Variants in LRP1B observed in about 807,000 individuals in gnomAD.
The protein encoded by LRP1B is LDL receptor related protein 1B.
In LRP1B, 217 loss-of-function variants were observed where a neutral mutation model predicts 556.6. That is an observed-to-expected ratio of 0.39 (90% confidence interval 0.35 to 0.44). LRP1B has a LOEUF of 0.44. Ranked by LOEUF, LRP1B falls within the 20% of genes least tolerant of loss-of-function variation. LRP1B has a pLI of 1.00. For synonymous variants in LRP1B, 2,047 were observed against 1,865.8 expected (o/e 1.10, Z -2.50); for missense variants, 5,053 against 5,620.8 (o/e 0.90, Z 3.23).
chr2:140,815,172 G>T (rs6749707), intron 31 of LRP1B, among the ~76,000 whole-genome samples: 6 of 151,640 alleles, frequency 4.0e-5, no homozygotes, highest in Non-Finnish European at 7.4e-5. Flanking sequence ...AAAGAAGGAA[G>T]GGCAGATGAT....
chr2:141,630,409 A>G (rs1437352501), intron 2 of LRP1B, among the ~76,000 whole-genome samples: 1 of 152,216 alleles, frequency 6.6e-6, no homozygotes, highest in East Asian at 1.9e-4. Flanking sequence ...AACTGGCTTT[A>G]ACTGTCACGT....
chr2:141,159,609 T>C (rs1249412678), intron 7 of LRP1B, among the ~76,000 whole-genome samples: 1 of 152,098 alleles, frequency 6.6e-6, no homozygotes. Flanking sequence ...CGAAAGACAA[T>C]TGGAAAAATT....
At chr2:140,321,427 G>T (rs1474903046) in intron 82 of LRP1B, among the ~76,000 whole-genome samples, 1 of 113,030 alleles carries the variant, frequency 8.8e-6, no homozygotes, top group African/African-American at 2.6e-5. Context: ...TAATTATTAT[G>T]ATAATTATCA....
chr2:141,308,368 T>G (rs776038102), intron 3 of LRP1B, among the ~76,000 whole-genome samples: 77 of 152,300 alleles, frequency 5.1e-4, no homozygotes, highest in Admixed American at 1.6e-3. Context: ...AAATTTATCT[T>G]TCATGCTCAT....
chr2:140,682,673 TGC>T (rs1347580932), intron 41 of LRP1B, among the ~76,000 whole-genome samples: 2 of 64,232 alleles, frequency 3.1e-5, no homozygotes, highest in East Asian at 4.6e-4. Flanking sequence ...TTGAGAGTAT[TGC>T]GTGTGTGTGT....
At chr2:140,311,910 T>C (rs1369005236) in intron 83 of LRP1B, among the ~76,000 whole-genome samples, 4 of 151,914 alleles carry the variant, frequency 2.6e-5, no homozygotes, top group Non-Finnish European at 5.9e-5. Flanking sequence ...TTGATATCCT[T>C]TACTACATAT....
At chr2:141,165,891 T>C (rs900602019) in intron 7 of LRP1B, among the ~76,000 whole-genome samples, 4 of 152,176 alleles carry the variant, frequency 2.6e-5, no homozygotes, top group Non-Finnish European at 5.9e-5. Context: ...ATGTTTCCAG[T>C]TCAAGTCTTA....
chr2:140,366,239 A>G (rs1041993638), intron 71 of LRP1B, among the ~76,000 whole-genome samples: 1 of 151,684 alleles, frequency 6.6e-6, no homozygotes, highest in African/African-American at 2.4e-5. Context: ...AGCTCTTCAG[A>G]AGGAAAACTC....
At chr2:140,509,232 T>C (rs1362885243) in intron 52 of LRP1B, among the ~76,000 whole-genome samples, 1 of 152,130 alleles carries the variant, frequency 6.6e-6, no homozygotes, top group Non-Finnish European at 1.5e-5. Context: ...GACAAATTGC[T>C]CAGCCCAAAG....
At chr2:140,863,811 C>T (rs1692868946) in intron 27 of LRP1B, among the ~76,000 whole-genome samples, 1 of 152,066 alleles carries the variant, frequency 6.6e-6, no homozygotes, top group African/African-American at 2.4e-5. Flanking sequence ...TCTATCATAA[C>T]AATGATTGTA....
At chr2:141,316,395 T>C (rs953136209) in intron 3 of LRP1B, among the ~76,000 whole-genome samples, 1 of 152,232 alleles carries the variant, frequency 6.6e-6, no homozygotes, top group Non-Finnish European at 1.5e-5. Context: ...TACACTTTTC[T>C]GCTCAGAGTT....
intron 35 of LRP1B, among the ~76,000 whole-genome samples, chr2:140,747,266 G>T (rs982011302): frequency 1.3e-5 from 2 of 152,164 alleles, no homozygotes; most frequent in African/African-American, 4.8e-5. Context: ...CCATGTGAAG[G>T]CTCTTTCACT....
chr2:140,782,456 A>G (rs187386422), intron 32 of LRP1B, among the ~76,000 whole-genome samples: 26 of 152,250 alleles, frequency 1.7e-4, no homozygotes, highest in Admixed American at 1.6e-3. Context: ...CAGGGAGAAG[A>G]CCGTCATCTA....
In LRP1B at chr2:140,232,363, T is replaced by C. The variant is rs1680510636; in HGVS notation, c.*823A>G. On this transcript the variant is annotated 3_prime_UTR_variant, in exon 91 of 91. Transcript: ENST00000389484. ...TGGGAAGAAATACCTAAGATGCAAG[T>C]ACCCAATGCCCTGTTGTGCTCTAGG... The C allele has an allele frequency of 6.6e-6, 1 of 151,476 alleles. No homozygotes were observed. The highest frequency in any genetic ancestry group is 2.4e-5 in the African/African-American group (1 of 41,312). The allele number at this position is 151,476 out of a possible 1,614,324, so 9.4% of individuals were successfully genotyped here. A position where few individuals can be genotyped will look rare whatever the true frequency, so the allele number is the denominator to read the frequency against.
At chr2:141,993,532 A>G (rs935021147) in intron 1 of LRP1B, among the ~76,000 whole-genome samples, 4 of 152,186 alleles carry the variant, frequency 2.6e-5, no homozygotes, top group African/African-American at 9.6e-5. Context: ...CCAGGTTCAG[A>G]TCAGTCTGAA....
intron 86 of LRP1B, among the ~76,000 whole-genome samples, chr2:140,265,359 C>T (rs1682152026): frequency 6.6e-6 from 1 of 151,878 alleles, no homozygotes; most frequent in African/African-American, 2.4e-5. Context: ...CAAATAAATG[C>T]AAAAAAATCT....
At chr2:141,887,457 GTCT>G (rs1699162248) in intron 1 of LRP1B, among the ~76,000 whole-genome samples, 4 of 152,144 alleles carry the variant, frequency 2.6e-5, no homozygotes, top group Admixed American at 1.3e-4. Context: ...ACACTGTGTT[GTCT>G]TCACCCTTTA....
chr2:141,450,582 A>G lies in LRP1B; in HGVS notation c.343+29814T>C, dbSNP rs1573959102. The stretch of plus-strand genomic sequence containing the variant: ...AATAAAGATGCCATATTTTAAAAAA[A>G]AATATATATATATAATTAGGAAGAA... On this transcript the variant is annotated intron_variant, in intron 3 of 90. Transcript: ENST00000389484. 2.0e-5 allele frequency among the ~76,000 whole-genome samples: 3 copies of G among 150,864 alleles called. No individual in the cohort carries two copies. The East Asian group carries it at 5.8e-4, about 29-fold the overall frequency.
At chr2:141,267,231 G>C (rs927568245) in intron 3 of LRP1B, among the ~76,000 whole-genome samples, 1 of 152,150 alleles carries the variant, frequency 6.6e-6, no homozygotes, top group East Asian at 1.9e-4. Context: ...CTCAAAGTGT[G>C]CTCCAGACCC....
Sources: allele counts gnomAD v4.1 joint callset (sites outside exome capture counted in the v4.1 genomes callset), GRCh38; gene constraint gnomAD v4.1.1; transcripts MANE v1.5; gene names NCBI Gene and HGNC (gene_info 2026-07-23, HGNC 2026-07-21).